HPSE2: variants seen among roughly 807,000 people sequenced by gnomAD.
HPSE2 encodes the protein inactive heparanase-2.
HPSE2 carries 38 observed loss-of-function variants against 60.5 expected under a neutral mutation model. The ratio of observed to expected loss-of-function variants is 0.63; its 90% CI spans 0.48 to 0.82. The LOEUF is 0.82. Among genes scored for constraint, HPSE2 ranks in the 40% least tolerant of loss-of-function variants. The probability of loss-of-function intolerance (pLI) is 0.00; values close to 1 mark genes in which losing one functional copy is unlikely to be tolerated. For synonymous variants in HPSE2, 295 were observed against 293.2 expected, an observed-to-expected ratio of 1.01 and a Z score of -0.06; for missense variants, 713 against 740.4, an observed-to-expected ratio of 0.96 and a Z score of 0.43.
At chr10:99,237,796 TTAAG>T (rs2133961507), upstream of HPSE2, among the ~76,000 whole-genome samples, 1 of 152,284 alleles carries the variant, frequency 6.6e-6, no homozygotes, top group African/African-American at 2.4e-5. Flanking sequence ...CTTGTAATTT[TTAAG>T]TATGTATTGA....
chr10:99,307,192 T>C, the HPSE2 span, among the ~76,000 whole-genome samples: 337 of 152,330 alleles, frequency 2.2e-3, no homozygotes, highest in Non-Finnish European at 4.0e-3. Flanking sequence ...TTAACAGACC[T>C]ACATTGGAAG....
chr10:99,289,283 C>T, the HPSE2 span, among the ~76,000 whole-genome samples: 3 of 151,938 alleles, frequency 2.0e-5, no homozygotes, highest in Non-Finnish European at 4.4e-5. Flanking sequence ...GAAGATGAAA[C>T]AATTTACGTG....
chr10:98,907,245 T>C (rs999707467), intron 3 of HPSE2, among the ~76,000 whole-genome samples: 10 of 152,164 alleles, frequency 6.6e-5, no homozygotes, highest in South Asian at 2.1e-4. Context: ...TAGAGTCTTT[T>C]TGGGGCCTCT....
chr10:98,696,307 A>AAC (rs1589656061), intron 5 of HPSE2, among the ~76,000 whole-genome samples: 32 of 137,406 alleles, frequency 2.3e-4, no homozygotes, highest in Admixed American at 1.0e-3. Context: ...AAAAAAAAAA[A>AAC]AAAAAAAAAA....
chr10:98,925,053 T>G (rs1292339520), intron 3 of HPSE2, among the ~76,000 whole-genome samples: 1 of 152,210 alleles, frequency 6.6e-6, no homozygotes, highest in African/African-American at 2.4e-5. Context: ...CTCCCCAAAG[T>G]GCTCAAGTTC....
the HPSE2 span, among the ~76,000 whole-genome samples, chr10:99,273,537 A>C: frequency 8.5e-5 from 13 of 152,230 alleles, no homozygotes; most frequent in African/African-American, 4.8e-5. Context: ...GGAAAATGTT[A>C]TCTGAGAAAA....
At chr10:99,217,654 G>C (rs10883298) in intron 2 of HPSE2, among the ~76,000 whole-genome samples, 75,201 of 151,596 alleles carry the variant, frequency 0.5, 21,707 homozygotes, top group Non-Finnish European at 0.64. Context: ...AGTGCAGTGG[G>C]ATGATTATGT....
chr10:98,997,365 C>T (rs1429023783), intron 3 of HPSE2, among the ~76,000 whole-genome samples: 1 of 152,080 alleles, frequency 6.6e-6, no homozygotes, highest in Non-Finnish European at 1.5e-5. Flanking sequence ...ATCCACCCAC[C>T]TCAGACTCCC....
At chr10:99,281,071 C>A in the HPSE2 span, among the ~76,000 whole-genome samples, 3 of 151,612 alleles carry the variant, frequency 2.0e-5, no homozygotes, top group Non-Finnish European at 2.9e-5. Context: ...AGAGTTAGTA[C>A]GTATTAAAAA....
chr10:98,469,929 C>G (rs1309881366), intron 11 of HPSE2, among the ~76,000 whole-genome samples: 5 of 152,260 alleles, frequency 3.3e-5, no homozygotes, highest in Non-Finnish European at 7.3e-5. Context: ...ATAATCCCAT[C>G]TCCTATATTT....
chr10:98,847,847 T>C (rs1197490793), intron 3 of HPSE2, among the ~76,000 whole-genome samples: 1 of 152,206 alleles, frequency 6.6e-6, no homozygotes, highest in Non-Finnish European at 1.5e-5. Flanking sequence ...CCAGACTGTG[T>C]GGTCCCTTTA....
chr10:98,566,921 C>T lies in HPSE2; in HGVS notation c.1320+47983G>A, dbSNP rs528375229. 1.4e-4 allele frequency among the ~76,000 whole-genome samples: 22 copies of T among 152,112 alleles called. No individual in the cohort carries two copies. In the South Asian group the frequency reaches 4.0e-3, roughly 27 times the overall value. ...TTCTTCTCAATAAAAGATATTTTTC[C>T]CCTCATTACCATAATCTTTTACTAG... On this transcript the variant is annotated intron_variant, in intron 9 of 11. Coordinates refer to ENST00000370552, the MANE Select transcript of HPSE2 (RefSeq NM_021828.5).
rs116292830 is a variant in HPSE2 at position 98,806,082 on chromosome 10, T to C, written c.611-62026A>G. ...CTATTGTTCTCTGGTATAGTTTTCT[T>C]TATCAGTCTCCCTTAAGATATAGTA... On this transcript the variant is annotated intron_variant, in intron 3 of 11. Transcript: ENST00000370552. Among the ~76,000 whole-genome samples the C allele has an allele frequency of 4.3e-3, 655 of 152,314 alleles. 1 individual carries two copies. The highest frequency in any genetic ancestry group is 0.015 in the African/African-American group (631 of 41,568).
chr10:99,062,257 G>A (rs540588809), intron 3 of HPSE2, among the ~76,000 whole-genome samples: 1 of 152,246 alleles, frequency 6.6e-6, no homozygotes, highest in East Asian at 1.9e-4. Flanking sequence ...GATTGGCTAG[G>A]AGGTGGATGC....
At chr10:99,093,172 G>A (rs1383167273) in intron 3 of HPSE2, among the ~76,000 whole-genome samples, 2 of 151,960 alleles carry the variant, frequency 1.3e-5, no homozygotes, top group Non-Finnish European at 2.9e-5. Context: ...AGGTTGCAGT[G>A]AGCTGAGATC....
intron 3 of HPSE2, among the ~76,000 whole-genome samples, chr10:99,035,277 C>T (rs1209618319): frequency 6.6e-6 from 1 of 152,038 alleles, no homozygotes. Flanking sequence ...ATTAATTTAA[C>T]TTTTTAAACT....
At chr10:98,840,574 C>T (rs555251803) in intron 3 of HPSE2, among the ~76,000 whole-genome samples, 4 of 152,160 alleles carry the variant, frequency 2.6e-5, no homozygotes, top group African/African-American at 7.2e-5. Flanking sequence ...AGATAGACTC[C>T]GCAGGGCTTG....
chr10:98,615,986 A>C (rs1945896166), intron 8 of HPSE2, among the ~76,000 whole-genome samples: 1 of 152,176 alleles, frequency 6.6e-6, no homozygotes, highest in Non-Finnish European at 1.5e-5. Context: ...TCCAAGACAC[A>C]TGAAACTACT....
At chr10:99,226,436 G>A (rs1346522521) in intron 2 of HPSE2, among the ~76,000 whole-genome samples, 1 of 152,034 alleles carries the variant, frequency 6.6e-6, no homozygotes, top group South Asian at 2.1e-4. Flanking sequence ...CAGGTATCTT[G>A]TAGAGTATCC....
Sources: allele counts gnomAD v4.1 joint callset (sites outside exome capture counted in the v4.1 genomes callset), GRCh38; gene constraint gnomAD v4.1.1; transcripts MANE v1.5; gene names NCBI Gene and HGNC (gene_info 2026-07-23, HGNC 2026-07-21).